The following SLC14A2 variants were observed in gnomAD, a reference collection of about 807,000 sequenced individuals.
SLC14A2 encodes the protein solute carrier family 14 member 2, also known as urea transporter 2.
In SLC14A2, 91 loss-of-function variants were observed where a neutral mutation model predicts 104.6. The observed-to-expected ratio is 0.87, with a 90% CI of 0.73 to 1.04. The LOEUF (loss-of-function observed/expected upper bound fraction) is 1.04. Ranked by LOEUF, SLC14A2 falls within the 50% of genes least tolerant of loss-of-function variation. SLC14A2 has a pLI of 0.00. For synonymous variants in SLC14A2, 476 were observed against 466.4 expected (o/e 1.02, Z -0.27); for missense variants, 1,189 against 1,156.0 (o/e 1.03, Z -0.41).
chr18:45,341,323 T>C (rs913087052), intron 1 of SLC14A2, among the ~76,000 whole-genome samples: 13 of 152,224 alleles, frequency 8.5e-5, no homozygotes, highest in Admixed American at 6.5e-5. Context: ...GCCAGTTCCA[T>C]ATTTGCAAAT....
At chr18:45,650,508 T>C (rs2045715136) in intron 10 of SLC14A2, among the ~76,000 whole-genome samples, 1 of 152,130 alleles carries the variant, frequency 6.6e-6, no homozygotes, top group Non-Finnish European at 1.5e-5. Context: ...TCTAACCTCA[T>C]TCACTCATTC....
intron 2 of SLC14A2, chr18:45,527,745 G>GA (rs1412411950): frequency 6.6e-6 from 1 of 152,126 alleles, no homozygotes; most frequent in African/African-American, 2.4e-5. Context: ...GAATTGTGAG[G>GA]ATTAAATGCA....
rs533464647 is a variant in SLC14A2 at position 45,624,994 on chromosome 18, G to A, written c.150+180G>A. Among the ~76,000 whole-genome samples the A allele has an allele frequency of 3.3e-5, 5 of 152,296 alleles. No individual in the cohort carries two copies. In the South Asian group the frequency reaches 1.0e-3, roughly 32 times the overall value. ...CCTTAGATAATGTGGCTCTTCATGA[G>A]ACATGATTTTAAGGACAAGTACAGA... On this transcript the variant is annotated intron_variant, in intron 2 of 19. Transcript: ENST00000255226.
intron 5 of SLC14A2, 64 bp downstream of exon 5, chr18:45,632,542 C>T: frequency 6.4e-7 from 1 of 1,570,662 alleles, no homozygotes; most frequent in Non-Finnish European, 8.7e-7. Flanking sequence ...GTGTCTTATA[C>T]TGGCCAGAGA....
chr18:45,354,645 A>G (rs553646052), intron 1 of SLC14A2, among the ~76,000 whole-genome samples: 3 of 152,304 alleles, frequency 2.0e-5, no homozygotes, highest in African/African-American at 2.4e-5. Flanking sequence ...GTCAGCTTGT[A>G]TATGTCTTGG....
At chr18:45,387,984 T>C (rs1028289374) in intron 1 of SLC14A2, among the ~76,000 whole-genome samples, 17 of 151,856 alleles carry the variant, frequency 1.1e-4, no homozygotes, top group African/African-American at 4.1e-4. Flanking sequence ...AGGAGGTCAT[T>C]ATTTAAAGGC....
At chr18:45,513,490 G>A (rs917560330) in intron 2 of SLC14A2, among the ~76,000 whole-genome samples, 11 of 152,140 alleles carry the variant, frequency 7.2e-5, no homozygotes, top group Non-Finnish European at 1.0e-4. Flanking sequence ...TTGTGTAATG[G>A]CACTTCATTT....
At chr18:45,193,347 A>G in the SLC14A2 span, among the ~76,000 whole-genome samples, 1 of 152,196 alleles carries the variant, frequency 6.6e-6, no homozygotes, top group Non-Finnish European at 1.5e-5. Context: ...GTTTTCTTCT[A>G]GAAGTTTTAT....
intron 2 of SLC14A2, among the ~76,000 whole-genome samples, chr18:45,584,365 A>T (rs902824854): frequency 1.6e-4 from 24 of 152,322 alleles, no homozygotes; most frequent in South Asian, 6.2e-4. Context: ...CTCCATCAGG[A>T]TCCTACGCCA....
At chr18:45,649,404 T>C (rs1001014754) in intron 10 of SLC14A2, among the ~76,000 whole-genome samples, 1 of 152,226 alleles carries the variant, frequency 6.6e-6, no homozygotes, top group Admixed American at 6.5e-5. Context: ...AGACCATTTA[T>C]CATTTTTAAT....
At chr18:45,615,796 T>C (rs921279436) in intron 1 of SLC14A2, among the ~76,000 whole-genome samples, 3 of 151,080 alleles carry the variant, frequency 2.0e-5, no homozygotes, top group African/African-American at 7.3e-5. Context: ...TATGTGTGCA[T>C]GTGTGTATGT....
intron 1 of SLC14A2, among the ~76,000 whole-genome samples, chr18:45,451,418 A>G (rs1769864946): frequency 6.6e-6 from 1 of 152,144 alleles, no homozygotes; most frequent in South Asian, 2.1e-4. Context: ...AGAAAAATAC[A>G]AATTCAAAGG....
At chr18:45,673,404 C>T (rs1020847332) in intron 17 of SLC14A2, among the ~76,000 whole-genome samples, 4 of 152,166 alleles carry the variant, frequency 2.6e-5, no homozygotes, top group Non-Finnish European at 5.9e-5. Flanking sequence ...TCTTTCTTGG[C>T]AGGGGAAGGA....
rs940171042 is a variant in SLC14A2 at position 45,256,752 on chromosome 18, G to GT, written c.-125+43566dup. ...CAAAATCAGAACCTAATGGTTTACA[G>GT]TTTTTACTTCTCAAAACTATTTTTC... On this transcript the variant is annotated intron_variant, in intron 1 of 20. Transcript: ENST00000586448. Among the ~76,000 whole-genome samples, 64 of 152,310 alleles carry GT rather than the reference G, an allele frequency of 4.2e-4. 1 individual carries two copies. Among genetic ancestry groups the GT allele is most frequent in the African/African-American group, 1.3e-3 (52 of 41,572 alleles).
At chr18:45,275,521 G>A (rs2084693030) in intron 1 of SLC14A2, among the ~76,000 whole-genome samples, 1 of 152,224 alleles carries the variant, frequency 6.6e-6, no homozygotes, top group Non-Finnish European at 1.5e-5. Context: ...AAAGTGCATA[G>A]GATTTGGAAG....
In SLC14A2 at chr18:45,315,606, C is replaced by G. The variant is rs145820786; in HGVS notation, c.-125+102415C>G. Among the ~76,000 whole-genome samples the G allele has an allele frequency of 3.3e-3, 501 of 152,254 alleles. 2 individuals are homozygous for G. The highest frequency in any genetic ancestry group is 0.011 in the African/African-American group (475 of 41,554). On this transcript the variant is annotated intron_variant, in intron 1 of 20. Transcript: ENST00000586448. The stretch of plus-strand genomic sequence containing the variant: ...TGTTGTGTCTCAGAACCATCCCATC[C>G]CATCCCATGGCCCAGTAATACATGA...
Position 45,663,892 on chromosome 18 carries a change from C to A in SLC14A2, c.1459C>A (p.Arg487=). ...ATTTCACATCGAGTGGTCATCCATT[C>A]GGAGGAGGAGCAAAGGTGTGCATGT... ...SVFHIEWSSI[R]RRSKVFGKGE... Residue 487 remains arginine, a synonymous_variant, in exon 11 of 20, where the codon CGG becomes AGG. Transcript: ENST00000255226. 2 of 1,612,786 alleles carry A rather than the reference C, an allele frequency of 1.2e-6. No individual in the cohort carries two copies. Among genetic ancestry groups the A allele is most frequent in the South Asian group, 1.1e-5 (1 of 90,878 alleles).
chr18:45,192,563 A>G, the SLC14A2 span, among the ~76,000 whole-genome samples: 8 of 151,944 alleles, frequency 5.3e-5, no homozygotes, highest in Non-Finnish European at 8.8e-5. Flanking sequence ...ATGCTTGCCA[A>G]TACTTGGTAT....
intron 2 of SLC14A2, among the ~76,000 whole-genome samples, chr18:45,598,656 G>A (rs2044746869): frequency 1.3e-5 from 2 of 152,170 alleles, no homozygotes; most frequent in East Asian, 3.8e-4. Context: ...CCTGTACCCA[G>A]TGGATAAGTT....
Sources: gnomAD v4.1 joint callset for allele counts (sites outside exome capture counted in the v4.1 genomes callset) on GRCh38, gnomAD v4.1.1 for gene constraint, MANE v1.5 for transcripts, NCBI Gene and HGNC (gene_info 2026-07-23, HGNC 2026-07-21) for gene names.